The following FTO variants were observed in gnomAD, a reference collection of about 807,000 sequenced individuals.
FTO encodes the protein alpha-ketoglutarate-dependent dioxygenase FTO.
Under a neutral mutation model 63.9 loss-of-function variants are expected in FTO, and 47 were observed. That is an observed-to-expected ratio of 0.74 (90% CI 0.58 to 0.94). The LOEUF (loss-of-function observed/expected upper bound fraction) is 0.94, where lower values mean the gene tolerates loss of function less well. Among genes scored for constraint, FTO ranks in the 40% least tolerant of loss-of-function variants. FTO has a pLI of 0.00. For synonymous variants in FTO, 207 were observed against 224.4 expected, an observed-to-expected ratio of 0.92 and a Z score of 0.69; for missense variants, 562 against 618.1, an observed-to-expected ratio of 0.91 and a Z score of 0.96.
rs149523934 is a variant in FTO at position 54,049,945 on chromosome 16, T to C, written c.1365-61817T>C. On this transcript the variant is annotated intron_variant, in intron 8 of 8. Coordinates refer to ENST00000471389, the MANE Select transcript of FTO (RefSeq NM_001080432.3). The stretch of plus-strand genomic sequence containing the variant: ...CCACGTCTGGCCATCATGAGAGATA[T>C]TGAGTGATTGTGTGAAAACAATCTG... Among the ~76,000 whole-genome samples the C allele has an allele frequency of 2.2e-3, 336 of 152,352 alleles. 2 individuals are homozygous for C. The highest frequency in any genetic ancestry group is 7.6e-3 in the African/African-American group (314 of 41,586).
chr16:53,939,256 G>A (rs935433287), intron 8 of FTO, among the ~76,000 whole-genome samples: 3 of 152,178 alleles, frequency 2.0e-5, no homozygotes, highest in Non-Finnish European at 4.4e-5. Flanking sequence ...ATGTCTGGGG[G>A]CATTTCGAGT....
At chr16:53,872,042 T>C (rs2151875871) in intron 4 of FTO, among the ~76,000 whole-genome samples, 1 of 152,286 alleles carries the variant, frequency 6.6e-6, no homozygotes. Context: ...TTGGATCCTT[T>C]TGAGGCTTAG....
intron 1 of FTO, among the ~76,000 whole-genome samples, chr16:53,776,186 C>G (rs918970947): frequency 1.3e-5 from 2 of 152,168 alleles, no homozygotes; most frequent in African/African-American, 4.8e-5. Flanking sequence ...GAGTTGAGCT[C>G]CTTATCCCCG....
At chr16:53,825,634 A>T (rs2078983930) in intron 2 of FTO, among the ~76,000 whole-genome samples, 1 of 152,146 alleles carries the variant, frequency 6.6e-6, no homozygotes, top group Non-Finnish European at 1.5e-5. Context: ...TTTTTTATTA[A>T]AGATTGTTAG....
chr16:54,021,064 T>A (rs1360388376), intron 8 of FTO, among the ~76,000 whole-genome samples: 1 of 152,162 alleles, frequency 6.6e-6, no homozygotes, highest in Non-Finnish European at 1.5e-5. Flanking sequence ...CATAACACAA[T>A]GTAGCATGTA....
At chr16:53,898,605 T>C (rs915603647) in intron 7 of FTO, among the ~76,000 whole-genome samples, 1 of 152,184 alleles carries the variant, frequency 6.6e-6, no homozygotes, top group Non-Finnish European at 1.5e-5. Flanking sequence ...ACTCGACACA[T>C]GTTTGTTAAA....
At chr16:53,800,362 A>T (rs2078187103) in intron 1 of FTO, among the ~76,000 whole-genome samples, 1 of 152,296 alleles carries the variant, frequency 6.6e-6, no homozygotes, top group South Asian at 2.1e-4. Flanking sequence ...CACAGAATAT[A>T]TTTTTTATGA....
intron 1 of FTO, among the ~76,000 whole-genome samples, chr16:53,783,241 G>A (rs1339656977): frequency 6.6e-6 from 1 of 152,000 alleles, no homozygotes; most frequent in Non-Finnish European, 1.5e-5. Flanking sequence ...CAGCACTTCG[G>A]GAGCCTGAGG....
At chr16:53,942,708 T>C (rs1385397501) in intron 8 of FTO, among the ~76,000 whole-genome samples, 1 of 152,210 alleles carries the variant, frequency 6.6e-6, no homozygotes, top group Non-Finnish European at 1.5e-5. Context: ...AACTTGGAGC[T>C]GTGTTCACAA....
chr16:53,736,793 C>G (rs996727337), intron 1 of FTO, among the ~76,000 whole-genome samples: 52 of 152,204 alleles, frequency 3.4e-4, no homozygotes, highest in Non-Finnish European at 4.4e-5. Flanking sequence ...AGAGCACTAT[C>G]TGACGTAACC....
intron 8 of FTO, among the ~76,000 whole-genome samples, chr16:54,030,522 A>T (rs1168792480): frequency 6.6e-6 from 1 of 152,196 alleles, no homozygotes; most frequent in African/African-American, 2.4e-5. Flanking sequence ...TCAGTTGGAT[A>T]ATTTTCAGTT....
At chr16:53,922,912 A>G (rs1194458897) in intron 7 of FTO, 1 of 152,200 alleles carries the variant, frequency 6.6e-6, no homozygotes, top group African/African-American at 2.4e-5. Context: ...TCTTGGTTGT[A>G]AAAGAGGCTA....
At chr16:54,085,483 A>G (rs569579384) in intron 8 of FTO, among the ~76,000 whole-genome samples, 1 of 152,126 alleles carries the variant, frequency 6.6e-6, no homozygotes, top group Admixed American at 6.5e-5. Context: ...CCTCCTTCAC[A>G]TGCCCTCCAT....
At chr16:53,731,633 C>T (rs1178949881) in intron 1 of FTO, among the ~76,000 whole-genome samples, 2 of 150,764 alleles carry the variant, frequency 1.3e-5, no homozygotes, top group African/African-American at 4.9e-5. Flanking sequence ...GGTGGCATAT[C>T]GGCTCACTGC....
chr16:54,077,837 G>A (rs1380205142), intron 8 of FTO, among the ~76,000 whole-genome samples: 2 of 152,152 alleles, frequency 1.3e-5, no homozygotes, highest in Non-Finnish European at 2.9e-5. Flanking sequence ...CAGATTAGTG[G>A]ATTTGGGAAG....
intron 8 of FTO, among the ~76,000 whole-genome samples, chr16:54,009,577 G>C (rs1261800889): frequency 1.3e-5 from 2 of 152,124 alleles, no homozygotes; most frequent in Non-Finnish European, 2.9e-5. Context: ...TTTTTCCAGA[G>C]ATCAGTGCCT....
intron 4 of FTO, among the ~76,000 whole-genome samples, chr16:53,851,752 C>T (rs1408834776): frequency 6.6e-6 from 1 of 151,680 alleles, no homozygotes; most frequent in East Asian, 1.9e-4. Context: ...GTCAGTATGT[C>T]ATTCATATTA....
intron 7 of FTO, among the ~76,000 whole-genome samples, chr16:53,897,552 G>A (rs373916353): frequency 3.2e-4 from 48 of 152,254 alleles, no homozygotes; most frequent in Middle Eastern, 3.4e-3. Context: ...AGAATTATGC[G>A]TCAGATGTTC....
intron 2 of FTO, among the ~76,000 whole-genome samples, chr16:53,815,570 C>T (rs1252353099): frequency 6.6e-6 from 1 of 150,906 alleles, no homozygotes; most frequent in Non-Finnish European, 1.5e-5. Context: ...TGTTGAGTCG[C>T]CTTTGCTTCC....
Sources: allele counts gnomAD v4.1 joint callset (sites outside exome capture counted in the v4.1 genomes callset), GRCh38; gene constraint gnomAD v4.1.1; transcripts MANE v1.5; gene names NCBI Gene and HGNC (gene_info 2026-07-23, HGNC 2026-07-21).